The following AMMECR1 variants were observed in gnomAD, a reference collection of about 807,000 sequenced individuals.
The protein encoded by AMMECR1 is AMMECR nuclear protein 1.
AMMECR1 carries 3 observed loss-of-function variants against 22.5 expected under a neutral mutation model. The observed-to-expected ratio is 0.13, with a 90% CI of 0.06 to 0.35. The LOEUF (loss-of-function observed/expected upper bound fraction) is 0.35, where lower values mean the gene tolerates loss of function less well. Among genes scored for constraint, AMMECR1 ranks in the 10% least tolerant of loss-of-function variants. The pLI, the probability that AMMECR1 is intolerant of heterozygous loss-of-function variation, is 1.00. For missense variants in AMMECR1, 235 were observed against 278.7 expected (o/e 0.84, Z 1.12); for synonymous variants, 130 against 116.7 (o/e 1.11, Z -0.74).
In AMMECR1 at chrX:110,406,351, G is replaced by A. The variant is rs1196770753; in HGVS notation, c.-148+20307C>T. ...AACTCCCACTTATGAGTGAGGACATGCGGTGTTTGGTTTTCTGATCTTGCG... is the reference window on the plus strand; with the variant it reads ...AACTCCCACTTATGAGTGAGGACATACGGTGTTTGGTTTTCTGATCTTGCG... On this transcript the variant is annotated intron_variant, in intron 2 of 7. Coordinates refer to the AMMECR1 transcript ENST00000372057. Among the ~76,000 whole-genome samples, 3 of 109,381 alleles carry A rather than the reference G, an allele frequency of 2.7e-5. No homozygotes were observed. In the South Asian group the frequency reaches 1.2e-3, roughly 45 times the overall value. 95.0% of individuals were successfully genotyped at this position (109,381 alleles called of 115,157 possible). A position where few individuals can be genotyped will look rare whatever the true frequency, so the allele number is the denominator to read the frequency against.
chrX:110,297,917 T>C (rs927626585), intron 1 of AMMECR1, among the ~76,000 whole-genome samples: 7 of 111,874 alleles, frequency 6.3e-5, no homozygotes, highest in African/African-American at 1.9e-4. Flanking sequence ...AGAGAAAATA[T>C]GATCAGCTTT....
intron 1 of AMMECR1, among the ~76,000 whole-genome samples, chrX:110,291,349 C>T (rs774103396): frequency 9.1e-6 from 1 of 110,125 alleles, no homozygotes; most frequent in East Asian, 2.9e-4. Flanking sequence ...ATGGTGAAAC[C>T]CCATCTCTAG....
At chrX:110,208,039 G>A (rs1049567242) in intron 3 of AMMECR1, among the ~76,000 whole-genome samples, 1 of 111,637 alleles carries the variant, frequency 9.0e-6, no homozygotes, top group African/African-American at 3.3e-5. Flanking sequence ...AATAAAGATG[G>A]CCTGTAATCC....
chrX:110,430,764 T>C (rs889976571), intron 1 of AMMECR1, among the ~76,000 whole-genome samples: 4 of 112,424 alleles, frequency 3.6e-5, no homozygotes, highest in African/African-American at 1.3e-4. Flanking sequence ...CTCTTTGAAA[T>C]GCTCAACATA....
upstream of AMMECR1, among the ~76,000 whole-genome samples, chrX:110,318,553 G>A (rs991733793): frequency 4.5e-5 from 5 of 110,405 alleles, no homozygotes; most frequent in African/African-American, 1.3e-4. Flanking sequence ...GCACAGCTCA[G>A]TAACCCCCCG....
At chrX:110,308,064 T>C (rs1390243763) in intron 1 of AMMECR1, among the ~76,000 whole-genome samples, 1 of 108,492 alleles carries the variant, frequency 9.2e-6, no homozygotes, top group Non-Finnish European at 1.9e-5. Flanking sequence ...TTTGTAGAGA[T>C]GGGGGTCTCA....
intron 2 of AMMECR1, among the ~76,000 whole-genome samples, chrX:110,382,673 G>C (rs1214461862): frequency 9.0e-6 from 1 of 111,546 alleles, no homozygotes; most frequent in African/African-American, 3.3e-5. Context: ...TTATCTCTTA[G>C]AGTCCTCTCT....
intron 2 of AMMECR1, among the ~76,000 whole-genome samples, chrX:110,334,059 G>T (rs1305792451): frequency 8.9e-6 from 1 of 111,770 alleles, no homozygotes; most frequent in Non-Finnish European, 1.9e-5. Flanking sequence ...TTCCTTATCA[G>T]ATATAATATT....
chrX:110,429,233 T>G (rs2068777062), intron 1 of AMMECR1, among the ~76,000 whole-genome samples: 1 of 110,813 alleles, frequency 9.0e-6, no homozygotes, highest in Admixed American at 9.5e-5. Flanking sequence ...AAGGACTCTA[T>G]TTTGTTCATC....
chrX:110,220,395 T>C (rs1049640568), intron 2 of AMMECR1, among the ~76,000 whole-genome samples: 6 of 111,704 alleles, frequency 5.4e-5, no homozygotes, highest in African/African-American at 1.9e-4. Flanking sequence ...GAGCTAGACT[T>C]CCTGTCTACT....
intron 2 of AMMECR1, among the ~76,000 whole-genome samples, chrX:110,342,571 C>T (rs1175254738): frequency 1.8e-5 from 2 of 110,927 alleles, no homozygotes; most frequent in African/African-American, 6.6e-5. Context: ...GGGGTTTCAC[C>T]ATGTTGGTCA....
intron 2 of AMMECR1, among the ~76,000 whole-genome samples, chrX:110,228,987 T>C (rs1277708918): frequency 1.8e-5 from 2 of 112,593 alleles, no homozygotes; most frequent in African/African-American, 3.2e-5. Flanking sequence ...CAACTGTATG[T>C]TCTGGTTGTG....
intron 3 of AMMECR1, among the ~76,000 whole-genome samples, chrX:110,209,463 A>G (rs2067437014): frequency 8.9e-6 from 1 of 112,322 alleles, no homozygotes; most frequent in African/African-American, 3.2e-5. Flanking sequence ...AATTAAATGG[A>G]GACATTAATG....
intron 1 of AMMECR1, among the ~76,000 whole-genome samples, chrX:110,306,002 C>T (rs767268490): frequency 1.9e-5 from 2 of 106,636 alleles, no homozygotes; most frequent in South Asian, 4.1e-4. Flanking sequence ...AAAAATTGGG[C>T]GAGGCGCGGT....
intron 4 of AMMECR1, 67 bp downstream of exon 4, chrX:110,202,379 C>T (rs1299991180): frequency 1.6e-5 from 14 of 856,540 alleles, no homozygotes; most frequent in African/African-American, 4.0e-5. Context: ...GGTCAGATAA[C>T]GCATTTCAGT....
At chrX:110,420,341 G>A (rs1293557133) in intron 2 of AMMECR1, among the ~76,000 whole-genome samples, 1 of 112,206 alleles carries the variant, frequency 8.9e-6, no homozygotes, top group Non-Finnish European at 1.9e-5. Flanking sequence ...GAGCAAATGA[G>A]TGAGGGAGTA....
At chrX:110,406,260 C>A (rs2068600834) in intron 2 of AMMECR1, among the ~76,000 whole-genome samples, 1 of 108,379 alleles carries the variant, frequency 9.2e-6, no homozygotes. Context: ...CTCCCCTAGC[C>A]CCCCACGCCC....
intron 2 of AMMECR1, among the ~76,000 whole-genome samples, chrX:110,421,618 G>A (rs1035720913): frequency 6.2e-5 from 7 of 112,894 alleles, no homozygotes; most frequent in African/African-American, 2.3e-4. Context: ...AAGGCAATGA[G>A]TAACATTGAT....
chrX:110,439,700 G>T (rs1183827607), intron 1 of AMMECR1, among the ~76,000 whole-genome samples: 1 of 111,307 alleles, frequency 9.0e-6, no homozygotes, highest in Non-Finnish European at 1.9e-5. Flanking sequence ...GGGAAAGAAC[G>T]AACAGGCATT....
Sources: gnomAD v4.1 joint callset for allele counts (sites outside exome capture counted in the v4.1 genomes callset) on GRCh38, gnomAD v4.1.1 for gene constraint, MANE v1.5 for transcripts, NCBI Gene and HGNC (gene_info 2026-07-23, HGNC 2026-07-21) for gene names.